SLC9A9: variants seen among roughly 807,000 people sequenced by gnomAD.
SLC9A9 encodes sodium/hydrogen exchanger 9.
Under a neutral mutation model 77.8 loss-of-function variants are expected in SLC9A9, and 62 were observed. That is an observed-to-expected ratio of 0.80 (90% CI 0.65 to 0.98). SLC9A9 has a LOEUF of 0.98. SLC9A9 is among the 50% of genes least tolerant of loss of function. The probability of loss-of-function intolerance (pLI) is 0.00; values close to 1 mark genes in which losing one functional copy is unlikely to be tolerated. For missense variants in SLC9A9, 775 were observed against 774.9 expected (o/e 1.00, Z 0.00); for synonymous variants, 320 against 283.5 (o/e 1.13, Z -1.29).
At chr3:143,389,037 T>C (rs2033492982) in intron 12 of SLC9A9, among the ~76,000 whole-genome samples, 1 of 152,190 alleles carries the variant, frequency 6.6e-6, no homozygotes, top group Non-Finnish European at 1.5e-5. Flanking sequence ...TCTGTGTGGC[T>C]AGACTGTGAG....
rs1443743721 is a variant in SLC9A9, at chr3:143,574,179, G to A, written c.909C>T (p.Thr303=). The A allele has an allele frequency of 6.2e-7, 1 of 1,612,874 alleles. No homozygotes were observed. The highest frequency in any genetic ancestry group is 8.5e-7 in the Non-Finnish European group (1 of 1,179,354). The change falls in exon 8 of 16, where the codon ACC becomes ACT. Residue 303 remains threonine (T), a synonymous_variant. Coordinates refer to ENST00000316549, the MANE Select transcript of SLC9A9 (RefSeq NM_173653.4). The part of the protein sequence containing the change: ...AIITALLTKF[T]KLCEFPMLET... ...CCAGCATCGGGAACTCACACAGCTT[G>A]GTAAATTTGGTCAAGTGAGGAAGAT...
Position 143,806,611 on chromosome 3 carries a change from G to A in SLC9A9, c.379-9708C>T, listed in dbSNP as rs78603111. Among the ~76,000 whole-genome samples the A allele has an allele frequency of 2.0e-3, 301 of 152,016 alleles. 1 individual carries two copies. Among genetic ancestry groups the A allele is most frequent in the African/African-American group, 6.8e-3 (283 of 41,462 alleles). Reference sequence around the variant, plus strand: ...ATTTTTTAATTAAAAATTTTAAAAAGCCAAAAGACAAATTTTGCATATTTT... The same window carrying A: ...ATTTTTTAATTAAAAATTTTAAAAAACCAAAAGACAAATTTTGCATATTTT... On this transcript the variant is annotated intron_variant, in intron 2 of 15. Transcript: ENST00000316549.
chr3:143,311,065 G>A (rs914884708), intron 14 of SLC9A9, among the ~76,000 whole-genome samples: 3 of 152,172 alleles, frequency 2.0e-5, no homozygotes, highest in East Asian at 1.9e-4. Flanking sequence ...TCCCATCCAC[G>A]TCAACCAAGA....
intron 4 of SLC9A9, among the ~76,000 whole-genome samples, chr3:143,782,322 G>A (rs1489029186): frequency 1.3e-5 from 2 of 152,192 alleles, no homozygotes; most frequent in African/African-American, 4.8e-5. Flanking sequence ...AGTGTGCTTA[G>A]GAATTACCTA....
chr3:143,468,756 A>G (rs2035326492), intron 11 of SLC9A9, among the ~76,000 whole-genome samples: 1 of 152,244 alleles, frequency 6.6e-6, no homozygotes, highest in South Asian at 2.1e-4. Context: ...TACAAAATCT[A>G]TAATCTAAAC....
chr3:143,577,620 G>A (rs1425859945), intron 7 of SLC9A9, among the ~76,000 whole-genome samples: 1 of 152,124 alleles, frequency 6.6e-6, no homozygotes, highest in Non-Finnish European at 1.5e-5. Context: ...CACTCACTGA[G>A]GGCAGGGTCC....
intron 6 of SLC9A9, among the ~76,000 whole-genome samples, chr3:143,580,738 G>C (rs769457810): frequency 1.3e-5 from 2 of 152,064 alleles, no homozygotes; most frequent in Non-Finnish European, 2.9e-5. Flanking sequence ...CACTCAACAG[G>C]GTATGATCAC....
chr3:143,840,558 C>A (rs2009681273), intron 1 of SLC9A9, among the ~76,000 whole-genome samples: 1 of 152,162 alleles, frequency 6.6e-6, no homozygotes, highest in African/African-American at 2.4e-5. Context: ...ACAATGTTTC[C>A]AGGTAGGCTT....
chr3:143,606,022 G>A (rs1470951927), intron 6 of SLC9A9, among the ~76,000 whole-genome samples: 3 of 152,044 alleles, frequency 2.0e-5, no homozygotes. Flanking sequence ...AAGATGTGTG[G>A]GTGCTGCTTT....
At chr3:143,690,591 G>C (rs1313647574) in intron 5 of SLC9A9, among the ~76,000 whole-genome samples, 1 of 152,092 alleles carries the variant, frequency 6.6e-6, no homozygotes, top group Admixed American at 6.6e-5. Context: ...ACAGGAGAAA[G>C]TTGAAGAGGC....
At chr3:143,290,396 T>C (rs1186339151) in intron 14 of SLC9A9, among the ~76,000 whole-genome samples, 1 of 152,154 alleles carries the variant, frequency 6.6e-6, no homozygotes, top group Non-Finnish European at 1.5e-5. Flanking sequence ...TCAATACATA[T>C]TTGCTAAATA....
At chr3:143,546,470 G>T (rs1264060920) in intron 9 of SLC9A9, among the ~76,000 whole-genome samples, 1 of 152,156 alleles carries the variant, frequency 6.6e-6, no homozygotes, top group Non-Finnish European at 1.5e-5. Flanking sequence ...TACTGAAATA[G>T]GTAGATTTTC....
intron 12 of SLC9A9, among the ~76,000 whole-genome samples, chr3:143,425,287 T>A (rs1378022219): frequency 1.3e-4 from 10 of 77,482 alleles, no homozygotes; most frequent in Non-Finnish European, 2.0e-4. Flanking sequence ...TTTTTTTTTT[T>A]AAGTATAATC....
intron 7 of SLC9A9, 103 bp downstream of exon 7, chr3:143,578,482 A>C: frequency 1.9e-6 from 3 of 1,561,350 alleles, no homozygotes; most frequent in Admixed American, 1.7e-5. Flanking sequence ...GGACCAGACT[A>C]TCTAGCCTTT....
chr3:143,265,509 A>C lies in SLC9A9; in HGVS notation c.*1193T>G, dbSNP rs1937681514. ...GTCATTCCCTACCTCCTTCAAAAGC[A>C]GACTCATCATAGCCTGGGCACCTAG... is the stretch of plus-strand genomic sequence containing the variant. On this transcript the variant is annotated 3_prime_UTR_variant, in exon 16 of 16. Coordinates refer to ENST00000316549, the MANE Select transcript of SLC9A9 (RefSeq NM_173653.4). 1 of 181,544 alleles carries C rather than the reference A, an allele frequency of 5.5e-6. No homozygotes were observed. Among genetic ancestry groups the C allele is most frequent in the Non-Finnish European group, 1.1e-5 (1 of 87,738 alleles). The allele number at this position is 181,544 out of a possible 1,614,324, so 11.2% of individuals were successfully genotyped here. A position where few individuals can be genotyped will look rare whatever the true frequency, so the allele number is the denominator to read the frequency against.
At chr3:143,809,717 A>G (rs1462076207) in intron 2 of SLC9A9, among the ~76,000 whole-genome samples, 1 of 152,246 alleles carries the variant, frequency 6.6e-6, no homozygotes, top group Non-Finnish European at 1.5e-5. Context: ...CTTTTAAGAT[A>G]CAAATCTTAT....
intron 4 of SLC9A9, among the ~76,000 whole-genome samples, chr3:143,748,692 C>CTTTTTTTTTTT (rs35698779): frequency 9.4e-6 from 1 of 106,024 alleles, no homozygotes; most frequent in African/African-American, 3.6e-5. Flanking sequence ...TTTGACCAAG[C>CTTTTTTTTTTT]TTTTTTTTTT....
At chr3:143,399,210 G>A (rs2033796549) in intron 12 of SLC9A9, among the ~76,000 whole-genome samples, 2 of 152,060 alleles carry the variant, frequency 1.3e-5, no homozygotes, top group Non-Finnish European at 2.9e-5. Context: ...AAGACAATGG[G>A]TAAGCTAGGA....
chr3:143,516,157 A>G (rs555454779), intron 9 of SLC9A9, among the ~76,000 whole-genome samples: 1 of 152,302 alleles, frequency 6.6e-6, no homozygotes, highest in East Asian at 1.9e-4. Context: ...GTATTTGCAT[A>G]AACTGTACAC....
Sources: allele counts gnomAD v4.1 joint callset (sites outside exome capture counted in the v4.1 genomes callset), GRCh38; gene constraint gnomAD v4.1.1; transcripts MANE v1.5; gene names NCBI Gene and HGNC (gene_info 2026-07-23, HGNC 2026-07-21).